The following CIROP variants were observed in gnomAD, a reference collection of about 807,000 sequenced individuals.
The protein encoded by CIROP is leishmanolysin homolog.
At chr14:23,104,883 GGCGGCAGCAGCAGCA>G in the CIROP span, 3 of 650,294 alleles carry the variant, frequency 4.6e-6, no homozygotes, top group South Asian at 1.6e-5. Context: ...GAGGACTAGT[GGCGGCAGCAGCAGCA>G]GCAGCAGCAG....
chr14:23,100,583 T>G, the CIROP span: 1 of 404,342 alleles, frequency 2.5e-6, no homozygotes. Context: ...CAGGGCCTTG[T>G]GCAGTGTAGC....
chr14:23,099,156 T>C, the CIROP span: 2 of 411,612 alleles, frequency 4.9e-6, no homozygotes, highest in African/African-American at 4.1e-5. Flanking sequence ...GGCTATATAA[T>C]ATTGACAACC....
chr14:23,104,437 C>T, the CIROP span: 1 of 703,030 alleles, frequency 1.4e-6, no homozygotes, highest in Non-Finnish European at 2.6e-6. Context: ...CAATACTGTG[C>T]AGGGTCTCGA....
the CIROP span, chr14:23,102,397 C>T: frequency 1.4e-6 from 1 of 702,968 alleles, no homozygotes; most frequent in Non-Finnish European, 2.6e-6. Context: ...AAGTGTTTGG[C>T]CAGGCTGAGG....
the CIROP span, chr14:23,102,968 T>C: frequency 1.7e-6 from 1 of 594,160 alleles, no homozygotes; most frequent in African/African-American, 1.9e-5. Context: ...TGGTGAGATG[T>C]TGGGCACAGT....
chr14:23,100,429 G>GA, the CIROP span: 30 of 412,810 alleles, frequency 7.3e-5, no homozygotes, highest in African/African-American at 5.7e-4. Flanking sequence ...ACACGTGAGT[G>GA]AGTGCTTAAT....
At chr14:23,101,890 A>G in the CIROP span, 2 of 702,334 alleles carry the variant, frequency 2.8e-6, no homozygotes, top group South Asian at 1.5e-5. Flanking sequence ...TGTGGTCACC[A>G]AGCCAAATTC....
At chr14:23,104,957 C>T in the CIROP span, 18 of 660,720 alleles carry the variant, frequency 2.7e-5, no homozygotes, top group Admixed American at 6.8e-5. Context: ...CAGCCTGGAT[C>T]CTGTCTTCCG....
At chr14:23,102,035 C>T in the CIROP span, 4 of 700,974 alleles carry the variant, frequency 5.7e-6, no homozygotes, top group African/African-American at 7.0e-5. Context: ...CCTCCCACTT[C>T]CCCCAGAGCT....
At chr14:23,104,557 C>A in the CIROP span, 1 of 700,710 alleles carries the variant, frequency 1.4e-6, no homozygotes, top group Non-Finnish European at 2.6e-6. Flanking sequence ...CTGGACCTCT[C>A]TGCTCCTCAA....
At chr14:23,100,626 A>G in the CIROP span, 1 of 399,968 alleles carries the variant, frequency 2.5e-6, no homozygotes, top group Non-Finnish European at 4.4e-6. Flanking sequence ...GGGGACTTCC[A>G]CATATGCACA....
the CIROP span, chr14:23,100,608 GGCA>G: frequency 1.5e-5 from 6 of 401,004 alleles, no homozygotes; most frequent in Non-Finnish European, 2.7e-5. Flanking sequence ...GAAGGCCCTT[GGCA>G]GCCAGGGGAC....
chr14:23,101,282 T>G, the CIROP span: 1 of 474,920 alleles, frequency 2.1e-6, no homozygotes, highest in South Asian at 5.0e-5. Context: ...ACTACTCTTA[T>G]GGTACCCACC....
chr14:23,102,083 A>G, the CIROP span: 5 of 702,774 alleles, frequency 7.1e-6, no homozygotes, highest in African/African-American at 8.7e-5. Context: ...GGTCTCCCTT[A>G]TTCCTCACCC....
At chr14:23,099,168 G>A in the CIROP span, 2 of 411,936 alleles carry the variant, frequency 4.9e-6, no homozygotes, top group Admixed American at 4.4e-5. Context: ...TTGACAACCG[G>A]GGAAAGAGGC....
chr14:23,102,987 G>C, the CIROP span: 3 of 580,538 alleles, frequency 5.2e-6, no homozygotes, highest in East Asian at 8.4e-5. Context: ...GTAGACAATG[G>C]TACCAGCGAG....
the CIROP span, chr14:23,102,269 G>A: frequency 1.4e-6 from 1 of 702,814 alleles, no homozygotes; most frequent in Admixed American, 2.0e-5. Flanking sequence ...AGGCCCTCCT[G>A]GAGGAGGTGG....
At chr14:23,100,423 G>A in the CIROP span, 2 of 412,538 alleles carry the variant, frequency 4.8e-6, no homozygotes, top group Non-Finnish European at 8.8e-6. Context: ...CAATATACAC[G>A]TGAGTGAGTG....
At chr14:23,101,638 A>C in the CIROP span, 7 of 702,844 alleles carry the variant, frequency 1.0e-5, no homozygotes, top group South Asian at 8.9e-5. Flanking sequence ...AGACCCACTC[A>C]GTTTCATTGT....
Sources: allele counts gnomAD v4.1 joint callset, GRCh38; gene constraint gnomAD v4.1.1; transcripts MANE v1.5; gene names NCBI Gene and HGNC (gene_info 2026-07-23, HGNC 2026-07-21).